Variants in TPTE observed in about 807,000 individuals in gnomAD.
TPTE encodes the protein putative tyrosine-protein phosphatase TPTE.
A neutral mutation model predicts 84.1 loss-of-function variants in TPTE; 59 were observed. The observed-to-expected ratio is 0.70, with a 90% CI of 0.57 to 0.87. The LOEUF (loss-of-function observed/expected upper bound fraction) is 0.87, where lower values mean the gene tolerates loss of function less well. TPTE is among the 40% of genes least tolerant of loss of function. The probability of loss-of-function intolerance (pLI) is 0.00; values close to 1 mark genes in which losing one functional copy is unlikely to be tolerated. For missense variants in TPTE, 382 were observed against 659.6 expected (o/e 0.58, Z 4.61); for synonymous variants, 130 against 223.5 (o/e 0.58, Z 3.73).
At chr21:10,552,991 T>A (rs1183091861) in intron 8 of TPTE, among the ~76,000 whole-genome samples, 15 of 152,392 alleles carry the variant, frequency 9.8e-5, no homozygotes, top group South Asian at 2.1e-4. Flanking sequence ...AAGTTTTTTT[T>A]AAAAAAACAG....
intron 20 of TPTE, 54 bp downstream of exon 20, chr21:10,596,141 T>C (rs2075584598): frequency 1.1e-5 from 18 of 1,610,840 alleles, no homozygotes; most frequent in East Asian, 2.2e-5. Context: ...ATGTCCCCAC[T>C]CTGGGAGGGT....
At chr21:10,526,526 C>A (rs1035642570) in intron 2 of TPTE, among the ~76,000 whole-genome samples, 1,583 of 151,746 alleles carry the variant, frequency 0.01, no homozygotes, top group African/African-American at 0.037. Context: ...CTTAGAGAAT[C>A]CCAGTTGTTA....
intron 17 of TPTE, among the ~76,000 whole-genome samples, chr21:10,590,031 A>G (rs1216203132): frequency 1.3e-5 from 2 of 152,308 alleles, no homozygotes; most frequent in Admixed American, 6.5e-5. Flanking sequence ...AAATATATGT[A>G]TATTTTTAAA....
chr21:10,529,116 A>G (rs1289454918), intron 3 of TPTE, among the ~76,000 whole-genome samples: 1 of 152,410 alleles, frequency 6.6e-6, no homozygotes, highest in South Asian at 2.1e-4. Flanking sequence ...TCCGGGAAGC[A>G]GAAGTTGCAG....
At chr21:10,544,617 C>G (rs1022882176) in intron 7 of TPTE, among the ~76,000 whole-genome samples, 2 of 152,308 alleles carry the variant, frequency 1.3e-5, no homozygotes, top group African/African-American at 4.8e-5. Flanking sequence ...AACTCCTGCC[C>G]TCGTGATCCA....
At chr21:10,605,235 T>G (rs372710276) in intron 23 of TPTE, among the ~76,000 whole-genome samples, 182 bp from the exon 24 acceptor site, 4,321 of 143,470 alleles carry the variant, frequency 0.03, no homozygotes, top group African/African-American at 0.12. Flanking sequence ...TGCTGAAGAT[T>G]AAAGTATTTT....
intron 8 of TPTE, among the ~76,000 whole-genome samples, chr21:10,556,764 G>C (rs1370912857): frequency 1.3e-5 from 2 of 152,300 alleles, no homozygotes; most frequent in Non-Finnish European, 2.9e-5. Flanking sequence ...TGTCATTGTG[G>C]TTTTGATTTG....
At chr21:10,545,230 G>A (rs1433072743) in intron 7 of TPTE, among the ~76,000 whole-genome samples, 5 of 148,092 alleles carry the variant, frequency 3.4e-5, no homozygotes, top group Non-Finnish European at 7.3e-5. Context: ...CATATATTAA[G>A]ATTGGTAAAA....
At chr21:10,536,118 A>G (rs1393903957) in intron 3 of TPTE, among the ~76,000 whole-genome samples, 1 of 152,310 alleles carries the variant, frequency 6.6e-6, no homozygotes, top group African/African-American at 2.4e-5. Flanking sequence ...TCTCTACTAA[A>G]AATACAAAAA....
At chr21:10,562,159 G>T (rs970976344) in intron 10 of TPTE, among the ~76,000 whole-genome samples, 1 of 152,312 alleles carries the variant, frequency 6.6e-6, no homozygotes, top group African/African-American at 2.4e-5. Context: ...CTATGAGTCT[G>T]CAAGAACCAG....
chr21:10,579,632 G>T (rs1180534016), intron 17 of TPTE, among the ~76,000 whole-genome samples: 1 of 152,312 alleles, frequency 6.6e-6, no homozygotes, highest in South Asian at 2.1e-4. Context: ...AGCAAGACAT[G>T]CAGTATTTGT....
intron 17 of TPTE, among the ~76,000 whole-genome samples, chr21:10,588,964 C>G (rs1015188759): frequency 2.0e-5 from 3 of 152,420 alleles, no homozygotes; most frequent in Admixed American, 1.3e-4. Flanking sequence ...AGCTTCCTTG[C>G]AACCCAAGCT....
intron 8 of TPTE, among the ~76,000 whole-genome samples, chr21:10,556,373 C>T (rs1314421275): frequency 1.3e-5 from 2 of 152,310 alleles, no homozygotes; most frequent in African/African-American, 2.4e-5. Context: ...GACATGAACT[C>T]ATCCTTTTTT....
chr21:10,567,445 G>GTTATA (rs1280924545), intron 10 of TPTE, among the ~76,000 whole-genome samples: 93 of 130,446 alleles, frequency 7.1e-4, no homozygotes, highest in African/African-American at 2.4e-3. Context: ...TGCCATGTTG[G>GTTATA]TGTTTTAGTC....
chr21:10,575,292 C>A (rs2075128106), intron 14 of TPTE, among the ~76,000 whole-genome samples: 1 of 152,304 alleles, frequency 6.6e-6, no homozygotes, highest in Non-Finnish European at 1.5e-5. Flanking sequence ...AATTCCTCCT[C>A]ACTGGGCAGG....
chr21:10,547,807 C>T (rs2074496503), intron 7 of TPTE, among the ~76,000 whole-genome samples: 1 of 152,426 alleles, frequency 6.6e-6, no homozygotes, highest in East Asian at 1.9e-4. Flanking sequence ...TAATGCAGAG[C>T]AGGGAAATCA....
At chr21:10,594,688 G>C (rs374914388) in intron 19 of TPTE, among the ~76,000 whole-genome samples, 1 of 152,312 alleles carries the variant, frequency 6.6e-6, no homozygotes, top group Non-Finnish European at 1.5e-5. Context: ...TTCTGCAGTC[G>C]TGCATAGTTT....
chr21:10,540,936 A>T (rs1409132147), intron 4 of TPTE, among the ~76,000 whole-genome samples, 176 bp from the exon 5 acceptor site: 2 of 152,308 alleles, frequency 1.3e-5, no homozygotes, highest in Non-Finnish European at 2.9e-5. Flanking sequence ...CTGTTGGCAT[A>T]TGAAACCTCA....
At chr21:10,524,114 C>T (rs1462645771) in intron 1 of TPTE, among the ~76,000 whole-genome samples, 2 of 152,428 alleles carry the variant, frequency 1.3e-5, no homozygotes, top group East Asian at 1.9e-4. Flanking sequence ...AGAGTTCTTA[C>T]TACAGAACTG....
Sources: allele counts gnomAD v4.1 joint callset (sites outside exome capture counted in the v4.1 genomes callset), GRCh38; gene constraint gnomAD v4.1.1; transcripts MANE v1.5; gene names NCBI Gene and HGNC (gene_info 2026-07-23, HGNC 2026-07-21).